Variants in SFI1 observed in about 807,000 individuals in gnomAD.
SFI1 encodes SFI1 centrin binding protein, also known as protein SFI1 homolog.
In SFI1, 195 loss-of-function variants were observed where a neutral mutation model predicts 207.5. The observed-to-expected ratio is 0.94, with a 90% CI of 0.84 to 1.06. The LOEUF is 1.06. Among genes scored for constraint, SFI1 ranks in the 50% least tolerant of loss-of-function variants. SFI1 has a pLI of 0.00. For missense variants in SFI1, 1,634 were observed against 1,588.0 expected (o/e 1.03, Z -0.49); for synonymous variants, 630 against 598.9 (o/e 1.05, Z -0.76).
intron 1 of SFI1, among the ~76,000 whole-genome samples, chr22:31,505,591 A>G (rs904819379): frequency 2.7e-4 from 41 of 152,044 alleles, no homozygotes; most frequent in African/African-American, 9.9e-4. Flanking sequence ...ACTGCACTCC[A>G]GCCTGAGTGA....
intron 29 of SFI1, 80 bp downstream of exon 29, chr22:31,615,359 T>C: frequency 1.6e-6 from 2 of 1,288,682 alleles, no homozygotes; most frequent in Non-Finnish European, 1.0e-6. Flanking sequence ...GCCACAGCTG[T>C]ACTAGTTTCT....
intron 6 of SFI1, chr22:31,550,681 T>A (rs2060542810): frequency 3.8e-6 from 1 of 260,314 alleles, no homozygotes; most frequent in South Asian, 5.2e-5. Flanking sequence ...CTGCGTCAAG[T>A]TGCCCAGAGA....
At chr22:31,603,093 G>A (rs1448405763) in intron 17 of SFI1, among the ~76,000 whole-genome samples, 5 of 152,212 alleles carry the variant, frequency 3.3e-5, no homozygotes, top group Middle Eastern at 3.2e-3. Flanking sequence ...TTAGCCAGGC[G>A]TGGTGGCGCA....
In SFI1 at chr22:31,615,178, GCC is replaced by G; in HGVS notation, c.3202_3203del (p.Pro1068TrpfsTer41). 6.3e-7 allele frequency: 1 copy of G among 1,598,904 alleles called. No individual in the cohort carries two copies. The highest frequency in any genetic ancestry group is 8.5e-7 in the Non-Finnish European group (1 of 1,174,268). ...HSPLPGALSS[A>X]PGPKQPPTAS... ...CCCCCTGCCTGGGGCCCTGTCAAGC[GCC>G]CCTGGCCCGAAGCAGCCCCCGACGG... On this transcript the variant is annotated frameshift_variant, in exon 29 of 33. Transcript: ENST00000400288. LOFTEE classifies it high-confidence loss of function.
intron 4 of SFI1, among the ~76,000 whole-genome samples, chr22:31,537,489 C>T (rs1043493969): frequency 6.6e-6 from 1 of 152,154 alleles, no homozygotes; most frequent in East Asian, 1.9e-4. Flanking sequence ...TCGCATTATG[C>T]TGTTTTTCAT....
intron 2 of SFI1, among the ~76,000 whole-genome samples, chr22:31,520,291 C>T (rs896194867): frequency 9.9e-5 from 15 of 152,036 alleles, no homozygotes; most frequent in Non-Finnish European, 1.6e-4. Context: ...ATTACTTTCT[C>T]ACTTTTCTTC....
At chr22:31,552,424 TG>T (rs1182036053) in intron 6 of SFI1, among the ~76,000 whole-genome samples, 1 of 152,124 alleles carries the variant, frequency 6.6e-6, no homozygotes, top group African/African-American at 2.4e-5. Flanking sequence ...AACTAATTTT[TG>T]TATTTTTAGT....
chr22:31,604,999 C>T, intron 20 of SFI1, 54 bp downstream of exon 20: 1 of 1,481,878 alleles, frequency 6.7e-7, no homozygotes, highest in Non-Finnish European at 9.1e-7. Context: ...GAATGCACTC[C>T]AAACCCCAGC....
At chr22:31,614,486 C>A in intron 27 of SFI1, 1 of 576,794 alleles carries the variant, frequency 1.7e-6, no homozygotes, top group Non-Finnish European at 3.3e-6. Context: ...TGATGGGATC[C>A]TGAACGTCTC....
At chr22:31,594,375 C>T (rs928734198) in intron 15 of SFI1, among the ~76,000 whole-genome samples, 21 of 151,218 alleles carry the variant, frequency 1.4e-4, no homozygotes, top group Non-Finnish European at 1.2e-4. Context: ...TGGTGAAACC[C>T]TCTCTTTACT....
At chr22:31,506,566 G>A (rs1170492217) in intron 1 of SFI1, among the ~76,000 whole-genome samples, 3 of 152,066 alleles carry the variant, frequency 2.0e-5, no homozygotes, top group Non-Finnish European at 2.9e-5. Context: ...TCCTTCATTA[G>A]AAAATAACAT....
chr22:31,551,196 G>A (rs185935216), intron 6 of SFI1, among the ~76,000 whole-genome samples: 8 of 152,194 alleles, frequency 5.3e-5, no homozygotes, highest in Admixed American at 4.6e-4. Flanking sequence ...CTGCAAGAGT[G>A]GTAAGACATA....
chr22:31,505,735 T>TA (rs34966506), intron 1 of SFI1, among the ~76,000 whole-genome samples: 12,587 of 151,900 alleles, frequency 0.083, 886 homozygotes, highest in East Asian at 0.37. Flanking sequence ...TAATAAAAAA[T>TA]AAGCTGAGCA....
At chr22:31,586,049 CA>C (rs2064993171) in intron 14 of SFI1, among the ~76,000 whole-genome samples, 1 of 152,136 alleles carries the variant, frequency 6.6e-6, no homozygotes, top group Non-Finnish European at 1.5e-5. Flanking sequence ...GCAAGGCCTA[CA>C]AACTCCTTCG....
chr22:31,509,771 T>C (rs936613690), intron 2 of SFI1, among the ~76,000 whole-genome samples: 1 of 152,194 alleles, frequency 6.6e-6, no homozygotes, highest in African/African-American at 2.4e-5. Flanking sequence ...AGGATTTTTA[T>C]GTCTGTAGTC....
intron 9 of SFI1, among the ~76,000 whole-genome samples, 183 bp from the exon 10 acceptor site, chr22:31,575,048 G>A (rs2063326750): frequency 6.7e-6 from 1 of 149,094 alleles, no homozygotes; most frequent in Non-Finnish European, 1.5e-5. Flanking sequence ...AACAGAGCGA[G>A]ACTCCAACTC....
At chr22:31,523,046 A>G (rs2057467451) in intron 2 of SFI1, among the ~76,000 whole-genome samples, 1 of 152,108 alleles carries the variant, frequency 6.6e-6, no homozygotes, top group Non-Finnish European at 1.5e-5. Context: ...GGTTGTTTCC[A>G]CCTTTTGGCT....
chr22:31,546,336 TC>T (rs2060078811), intron 4 of SFI1, among the ~76,000 whole-genome samples: 2 of 151,978 alleles, frequency 1.3e-5, no homozygotes, highest in African/African-American at 4.8e-5. Context: ...GTTTACTTTT[TC>T]TTTTTTTTCT....
intron 8 of SFI1, among the ~76,000 whole-genome samples, chr22:31,568,226 A>ATTT (rs373038766): frequency 4.2e-4 from 47 of 111,960 alleles, no homozygotes; most frequent in African/African-American, 1.4e-3. Flanking sequence ...ATATATATAT[A>ATTT]TTTTTTTTTT....
Sources: allele counts gnomAD v4.1 joint callset (sites outside exome capture counted in the v4.1 genomes callset), GRCh38; gene constraint gnomAD v4.1.1; transcripts MANE v1.5; gene names NCBI Gene and HGNC (gene_info 2026-07-23, HGNC 2026-07-21).